ZNF385B: variants seen among roughly 807,000 people sequenced by gnomAD.
ZNF385B encodes zinc finger protein 385B, also known as zinc finger protein 533.
Under a neutral mutation model 39.2 loss-of-function variants are expected in ZNF385B, and 23 were observed. The observed-to-expected ratio is 0.59, with a 90% CI of 0.42 to 0.83. The LOEUF (loss-of-function observed/expected upper bound fraction) is 0.83. Ranked by LOEUF, ZNF385B falls within the 40% of genes least tolerant of loss-of-function variation. The pLI is 0.00. For missense variants in ZNF385B, 552 were observed against 598.9 expected, an observed-to-expected ratio of 0.92 and a Z score of 0.82; for synonymous variants, 205 against 222.6, an observed-to-expected ratio of 0.92 and a Z score of 0.70.
intron 3 of ZNF385B, among the ~76,000 whole-genome samples, chr2:179,769,293 G>A (rs1414921736): frequency 3.3e-5 from 5 of 152,222 alleles, no homozygotes; most frequent in Non-Finnish European, 7.3e-5. Context: ...ATGTGTGTAT[G>A]TGTGTGTGCC....
intron 3 of ZNF385B, among the ~76,000 whole-genome samples, chr2:179,650,998 G>A (rs1693146571): frequency 6.6e-6 from 1 of 152,128 alleles, no homozygotes; most frequent in African/African-American, 2.4e-5. Context: ...TGGAAACAAT[G>A]CCTTTTGAGT....
intron 3 of ZNF385B, among the ~76,000 whole-genome samples, chr2:179,696,700 C>T (rs1365371897): frequency 6.6e-6 from 1 of 151,958 alleles, no homozygotes; most frequent in African/African-American, 2.4e-5. Flanking sequence ...TTTTAATAAA[C>T]TTTTCAAGAA....
chr2:179,614,670 T>A (rs1401016968), intron 3 of ZNF385B, among the ~76,000 whole-genome samples: 5 of 152,300 alleles, frequency 3.3e-5, no homozygotes, highest in African/African-American at 1.2e-4. Context: ...CTGAGGTATC[T>A]AGTTCATGAA....
intron 3 of ZNF385B, among the ~76,000 whole-genome samples, chr2:179,696,325 A>ATTTTTTTTTTTT (rs1333224792): frequency 1.2e-3 from 12 of 9,822 alleles, no homozygotes; most frequent in Non-Finnish European, 2.1e-3. Context: ...ACAAACTGGG[A>ATTTTTTTTTTTT]CTTTTTTTTT....
intron 5 of ZNF385B, among the ~76,000 whole-genome samples, chr2:179,500,284 A>T (rs572978960): frequency 1.3e-5 from 2 of 152,232 alleles, no homozygotes; most frequent in South Asian, 4.1e-4. Context: ...ATATGCAATC[A>T]CAAAAGACCC....
At chr2:179,511,466 C>T (rs1287866494) in intron 5 of ZNF385B, among the ~76,000 whole-genome samples, 1 of 152,148 alleles carries the variant, frequency 6.6e-6, no homozygotes, top group Admixed American at 6.5e-5. Flanking sequence ...CCGAGGAGGG[C>T]ATAACCTAAA....
intron 3 of ZNF385B, among the ~76,000 whole-genome samples, chr2:179,679,601 A>ATTGTTGTTGTTG (rs71401757): frequency 1.3e-5 from 2 of 150,262 alleles, no homozygotes; most frequent in Non-Finnish European, 3.0e-5. Context: ...AACAGCTATT[A>ATTGTTGTTGTTG]TTGTTGTTGT....
At chr2:179,839,485 A>G (rs962078397) in intron 1 of ZNF385B, among the ~76,000 whole-genome samples, 1 of 152,234 alleles carries the variant, frequency 6.6e-6, no homozygotes, top group Non-Finnish European at 1.5e-5. Flanking sequence ...TTGAAATATG[A>G]GGTAAAACAT....
chr2:179,807,678 A>G (rs554882440), intron 1 of ZNF385B, among the ~76,000 whole-genome samples: 24 of 151,898 alleles, frequency 1.6e-4, no homozygotes, highest in South Asian at 2.1e-4. Flanking sequence ...GGCGGATCAT[A>G]AGGTCAGGAG....
rs1696308414 is a variant in ZNF385B at position 179,673,401 on chromosome 2, A to C, written c.298+96102T>G. Among the ~76,000 whole-genome samples the C allele has an allele frequency of 3.9e-5, 6 of 152,312 alleles. No homozygotes were observed. The Middle Eastern group carries it at 0.014, about 345-fold the overall frequency. On this transcript the variant is annotated intron_variant, in intron 3 of 9. Transcript: ENST00000410066. ...CACAAATCTCTTAATTAAAGTTATAAAGTATAGTATACAAAATATGAAATA... is the reference window on the plus strand; with the variant it reads ...CACAAATCTCTTAATTAAAGTTATACAGTATAGTATACAAAATATGAAATA...
chr2:179,832,549 C>T (rs1708040262), intron 1 of ZNF385B, among the ~76,000 whole-genome samples: 1 of 152,138 alleles, frequency 6.6e-6, no homozygotes, highest in African/African-American at 2.4e-5. Context: ...AGGCATCTTG[C>T]CTTAGTCTAC....
At chr2:179,595,824 A>C (rs184775777) in intron 3 of ZNF385B, among the ~76,000 whole-genome samples, 4 of 151,070 alleles carry the variant, frequency 2.6e-5, no homozygotes, top group African/African-American at 7.3e-5. Flanking sequence ...CTCCAGCCTG[A>C]GCAACAGAGT....
At chr2:179,486,606 AT>A (rs1421858826) in intron 5 of ZNF385B, among the ~76,000 whole-genome samples, 2 of 152,212 alleles carry the variant, frequency 1.3e-5, no homozygotes, top group African/African-American at 4.8e-5. Flanking sequence ...ACCAGGTCTG[AT>A]CCTTCTGTTG....
chr2:179,711,604 T>C (rs1290518222), intron 3 of ZNF385B, among the ~76,000 whole-genome samples: 2 of 152,160 alleles, frequency 1.3e-5, no homozygotes, highest in Non-Finnish European at 2.9e-5. Flanking sequence ...ACCCAGAGAT[T>C]CATTCCTTAT....
chr2:179,582,373 A>T (rs956427239), intron 3 of ZNF385B, among the ~76,000 whole-genome samples: 1 of 152,178 alleles, frequency 6.6e-6, no homozygotes, highest in Admixed American at 6.5e-5. Flanking sequence ...AAAATGTTCC[A>T]TTAGGAAAAT....
intron 3 of ZNF385B, among the ~76,000 whole-genome samples, chr2:179,721,295 A>ATTAT: frequency 6.6e-6 from 1 of 152,318 alleles, no homozygotes; most frequent in East Asian, 1.9e-4. Context: ...AAACGCAATG[A>ATTAT]AAACATTCTG....
chr2:179,787,662 T>C, intron 1 of ZNF385B, among the ~76,000 whole-genome samples: 1 of 152,174 alleles, frequency 6.6e-6, no homozygotes, highest in East Asian at 1.9e-4. Flanking sequence ...CCTCTTCAAC[T>C]CGTTGAAACG....
At chr2:179,504,506 G>A (rs1422164069) in intron 5 of ZNF385B, among the ~76,000 whole-genome samples, 1 of 152,018 alleles carries the variant, frequency 6.6e-6, no homozygotes, top group Admixed American at 6.6e-5. Flanking sequence ...GTGTAAAAGT[G>A]TTCCTATTTC....
intron 3 of ZNF385B, among the ~76,000 whole-genome samples, chr2:179,690,946 G>C (rs1194015500): frequency 6.6e-6 from 1 of 152,142 alleles, no homozygotes; most frequent in Non-Finnish European, 1.5e-5. Flanking sequence ...CCTGAACACT[G>C]ATTTAGATCT....
Sources: gnomAD v4.1 joint callset for allele counts (sites outside exome capture counted in the v4.1 genomes callset) on GRCh38, gnomAD v4.1.1 for gene constraint, MANE v1.5 for transcripts, NCBI Gene and HGNC (gene_info 2026-07-23, HGNC 2026-07-21) for gene names.